Variants in ANXA13 observed in about 807,000 individuals in gnomAD.
ANXA13 encodes annexin A13.
ANXA13 carries 36 observed loss-of-function variants against 46.6 expected under a neutral mutation model. That is an observed-to-expected ratio of 0.77 (90% CI 0.59 to 1.02). ANXA13 has a LOEUF of 1.02. Among genes scored for constraint, ANXA13 ranks in the 50% least tolerant of loss-of-function variants. The pLI, the probability that ANXA13 is intolerant of heterozygous loss-of-function variation, is 0.00. For missense variants in ANXA13, 417 were observed against 396.5 expected, an observed-to-expected ratio of 1.05 and a Z score of -0.44; for synonymous variants, 163 against 152.9, an observed-to-expected ratio of 1.07 and a Z score of -0.49.
At position 123,709,948 on chromosome 8, in the gene ANXA13, G is replaced by A. The variant is rs1371098228; in HGVS notation, c.91+2730C>T. Among the ~76,000 whole-genome samples the A allele has an allele frequency of 6.6e-5, 10 of 152,090 alleles. No individual in the cohort carries two copies. In the South Asian group the frequency reaches 1.2e-3, roughly 19 times the overall value. Reference sequence around the variant, plus strand: ...CAATTTTTATATTTTTAGTAGAGACGGGGTTTCACCATGTTGGCCAGGCTG... The same window carrying A: ...CAATTTTTATATTTTTAGTAGAGACAGGGTTTCACCATGTTGGCCAGGCTG... On this transcript the variant is annotated intron_variant, in intron 2 of 10. Coordinates refer to ENST00000419625, the MANE Select transcript of ANXA13 (RefSeq NM_004306.4).
chr8:123,737,325 G>T lies in ANXA13; in HGVS notation c.10C>A (p.Arg4Ser), dbSNP rs367659079. The T allele has an allele frequency of 3.7e-6, 6 of 1,610,410 alleles. No individual in the cohort carries two copies. The African/African-American group carries it at 5.4e-5, about 14-fold the overall frequency. ...CAAAGGCAATGAGTACTTACATGAC[G>T]ATTGCCCATTTTCCTTTTTCTGAGA... MGN[R>S]HAKASSPQGF... Residue 4 changes from arginine (R) to serine (S), a missense_variant, in exon 1 of 11, where the codon CGT (arginine) becomes AGT (serine). Physicochemically the swap from Arg to Ser is moderately radical, Grantham distance 110 (BLOSUM62 -1). Coordinates refer to ENST00000419625, the MANE Select transcript of ANXA13 (RefSeq NM_004306.4).
At chr8:123,717,567 C>G (rs905169764) in intron 1 of ANXA13, among the ~76,000 whole-genome samples, 2 of 152,158 alleles carry the variant, frequency 1.3e-5, no homozygotes, top group Non-Finnish European at 2.9e-5. Flanking sequence ...TCTTATAATG[C>G]CCAAGCAACA....
intron 1 of ANXA13, among the ~76,000 whole-genome samples, chr8:123,717,305 G>A (rs568331843): frequency 1.9e-4 from 29 of 152,292 alleles, no homozygotes; most frequent in African/African-American, 6.7e-4. Flanking sequence ...CCAGAAAACA[G>A]GGAGCTAGAT....
intron 1 of ANXA13, among the ~76,000 whole-genome samples, chr8:123,730,335 C>T (rs1325775543): frequency 1.3e-5 from 2 of 152,210 alleles, no homozygotes; most frequent in Non-Finnish European, 2.9e-5. Flanking sequence ...GCAGTACCAA[C>T]ATCACCAGGG....
chr8:123,684,779 T>C, intron 9 of ANXA13, 57 bp from the exon 10 acceptor site: 1 of 1,339,712 alleles, frequency 7.5e-7, no homozygotes, highest in East Asian at 2.3e-5. Flanking sequence ...GGAATGACCT[T>C]GGGACCCCCC....
At chr8:123,692,469 C>T (rs1356903348) in intron 8 of ANXA13, among the ~76,000 whole-genome samples, 1 of 152,180 alleles carries the variant, frequency 6.6e-6, no homozygotes, top group Non-Finnish European at 1.5e-5. Context: ...GTAAAGACTG[C>T]TTTTCAGGGA....
At chr8:123,697,263 C>T (rs1316609442) in intron 4 of ANXA13, among the ~76,000 whole-genome samples, 1 of 152,090 alleles carries the variant, frequency 6.6e-6, no homozygotes, top group Non-Finnish European at 1.5e-5. Context: ...TGCTGACCGC[C>T]CTGGCGTTGG....
At chr8:123,684,848 A>T (rs1813111337) in intron 9 of ANXA13, 126 bp from the exon 10 acceptor site, 1 of 676,878 alleles carries the variant, frequency 1.5e-6, no homozygotes, top group Admixed American at 2.5e-5. Context: ...GTGTGAAAAG[A>T]GCTGACTTGA....
intron 3 of ANXA13, among the ~76,000 whole-genome samples, chr8:123,701,465 G>A (rs941302639): frequency 2.6e-5 from 4 of 151,544 alleles, no homozygotes; most frequent in Admixed American, 6.6e-5. Flanking sequence ...GTGAGACTCC[G>A]TCTCAAAACA....
At chr8:123,704,168 C>T (rs1426828391) in intron 2 of ANXA13, among the ~76,000 whole-genome samples, 1 of 152,146 alleles carries the variant, frequency 6.6e-6, no homozygotes, top group Non-Finnish European at 1.5e-5. Flanking sequence ...CTGGCACTGC[C>T]TCACATCCAT....
chr8:123,681,288 T>A lies in ANXA13; in HGVS notation c.903A>T (p.Ser301=), dbSNP rs1297536692. Residue 301 remains serine, a synonymous_variant, in exon 11 of 11, where the codon TCA becomes TCT. Transcript: ENST00000419625. ...YQKSLSDMVR[S]DTSGDFRKLL... is the part of the protein sequence containing the mutation. ...GTTTCCGGAAGTCCCCGGAGGTATC[T>A]GAGCGAACCATGTCAGAGAGAGACT... The A allele has an allele frequency of 6.2e-7, 1 of 1,614,220 alleles. No individual in the cohort carries two copies. The highest frequency in any genetic ancestry group is 8.5e-7 in the Non-Finnish European group (1 of 1,180,016).
intron 1 of ANXA13, among the ~76,000 whole-genome samples, chr8:123,715,557 C>T (rs116340381): frequency 9.9e-5 from 15 of 152,188 alleles, no homozygotes; most frequent in South Asian, 2.1e-4. Context: ...ACAACTAATG[C>T]GCTGAAACAG....
intron 1 of ANXA13, among the ~76,000 whole-genome samples, chr8:123,731,942 G>T (rs181630343): frequency 6.6e-6 from 1 of 152,168 alleles, no homozygotes; most frequent in Non-Finnish European, 1.5e-5. Flanking sequence ...TAATAGTTAT[G>T]CAGAGAGAAC....
At chr8:123,696,811 T>C (rs920039275) in intron 4 of ANXA13, among the ~76,000 whole-genome samples, 1 of 152,152 alleles carries the variant, frequency 6.6e-6, no homozygotes, top group Non-Finnish European at 1.5e-5. Context: ...TCAGATCTAT[T>C]TGATTGATAG....
rs368842790 is a variant in ANXA13 at position 123,681,292 on chromosome 8, C to T, written c.899G>A (p.Arg300His). 2.9e-5 allele frequency: 47 copies of T among 1,614,006 alleles called. No individual in the cohort carries two copies. Among genetic ancestry groups the T allele is most frequent in the South Asian group, 7.7e-5 (7 of 91,074 alleles). Reference sequence around the variant, plus strand: ...CCGGAAGTCCCCGGAGGTATCTGAGCGAACCATGTCAGAGAGAGACTTCTG... The same window carrying T: ...CCGGAAGTCCCCGGAGGTATCTGAGTGAACCATGTCAGAGAGAGACTTCTG... ...KYQKSLSDMV[R>H]SDTSGDFRKL... Residue 300 changes from arginine (R) to histidine (H), a missense_variant, in exon 11 of 11, where the codon CGC becomes CAC. By Grantham distance (29) the Arg-to-His change is conservative (BLOSUM62 0). Transcript: ENST00000419625.
intron 1 of ANXA13, among the ~76,000 whole-genome samples, chr8:123,731,007 A>G (rs749926442): frequency 6.6e-6 from 1 of 152,186 alleles, no homozygotes; most frequent in Non-Finnish European, 1.5e-5. Context: ...CCCATAGTCA[A>G]TGCTGAGGCA....
In ANXA13 at chr8:123,737,372, A is replaced by T; in HGVS notation, c.-38T>A. 1 of 1,584,008 alleles carries T rather than the reference A, an allele frequency of 6.3e-7. No homozygotes were observed. Among genetic ancestry groups the T allele is most frequent in the African/African-American group, 1.4e-5 (1 of 73,676 alleles). ...GAGATGGTTTTTCTGTATTTCATCA[A>T]GAGATCAGTCCTCCTACAGGCAAAG... On this transcript the variant is annotated 5_prime_UTR_variant, in exon 1 of 11. It adds an upstream start codon to the 5' untranslated region. Coordinates refer to ENST00000419625, the MANE Select transcript of ANXA13 (RefSeq NM_004306.4).
In ANXA13 at chr8:123,695,729, A is replaced by T; in HGVS notation, c.358-8T>A. Reference sequence around the variant, plus strand: ...TTTAATGGCGATGATTTCCTAGGGAAGGTAATTTACAAAAAAATCAATATT... The same window carrying T: ...TTTAATGGCGATGATTTCCTAGGGATGGTAATTTACAAAAAAATCAATATT... On this transcript the variant is annotated splice_region_variant and splice_polypyrimidine_tract_variant and intron_variant, in intron 4 of 10. Coordinates refer to ENST00000419625, the MANE Select transcript of ANXA13 (RefSeq NM_004306.4). 1 of 1,611,504 alleles carries T rather than the reference A, an allele frequency of 6.2e-7. No homozygotes were observed.
chr8:123,689,361 A>G (rs1158415260), intron 8 of ANXA13, among the ~76,000 whole-genome samples: 3 of 151,110 alleles, frequency 2.0e-5, no homozygotes, highest in African/African-American at 7.3e-5. Flanking sequence ...TCCAGTTTCA[A>G]TTTCCCAGGA....
Sources: allele counts gnomAD v4.1 joint callset (sites outside exome capture counted in the v4.1 genomes callset), GRCh38; gene constraint gnomAD v4.1.1; transcripts MANE v1.5; gene names NCBI Gene and HGNC (gene_info 2026-07-23, HGNC 2026-07-21).